Variants in RALYL observed in about 807,000 individuals in gnomAD.
RALYL encodes RALY RNA binding protein like.
Under a neutral mutation model 35.1 loss-of-function variants are expected in RALYL, and 29 were observed. The ratio of observed to expected loss-of-function variants is 0.83; its 90% CI spans 0.61 to 1.13. The LOEUF (loss-of-function observed/expected upper bound fraction) is 1.13. Ranked by LOEUF, RALYL falls within the 50% of genes most tolerant of loss-of-function variation. RALYL has a pLI of 0.00. For missense variants in RALYL, 359 were observed against 360.4 expected (o/e 1.00, Z 0.03); for synonymous variants, 120 against 127.6 (o/e 0.94, Z 0.40).
chr8:84,297,271 T>C (rs979198893), intron 1 of RALYL, among the ~76,000 whole-genome samples: 3 of 152,010 alleles, frequency 2.0e-5, no homozygotes, highest in Non-Finnish European at 2.9e-5. Flanking sequence ...ATGTACTCAA[T>C]ATTTGGTTCC....
intron 1 of RALYL, among the ~76,000 whole-genome samples, chr8:84,235,862 G>A (rs1000415451): frequency 1.3e-5 from 2 of 150,400 alleles, no homozygotes; most frequent in African/African-American, 4.9e-5. Context: ...CAACTCCCTG[G>A]TTCAAGCGAT....
intron 1 of RALYL, among the ~76,000 whole-genome samples, chr8:84,472,591 A>C (rs1285780897): frequency 6.6e-6 from 1 of 152,132 alleles, no homozygotes; most frequent in Admixed American, 6.5e-5. Flanking sequence ...ATTGGGAATA[A>C]AATTTAGACC....
chr8:84,734,249 T>C (rs1846803035), intron 2 of RALYL, among the ~76,000 whole-genome samples: 1 of 152,158 alleles, frequency 6.6e-6, no homozygotes, highest in Admixed American at 6.6e-5. Flanking sequence ...GACAAGCTAA[T>C]TTAATAAAGG....
At chr8:84,367,251 T>C (rs543789124) in intron 1 of RALYL, among the ~76,000 whole-genome samples, 3 of 140,050 alleles carry the variant, frequency 2.1e-5, no homozygotes, top group South Asian at 5.1e-4. Flanking sequence ...TTCTCCTGCC[T>C]CAGCCTCCCG....
intron 1 of RALYL, among the ~76,000 whole-genome samples, chr8:84,224,613 G>A (rs1306346849): frequency 6.6e-6 from 1 of 151,492 alleles, no homozygotes; most frequent in Admixed American, 6.6e-5. Context: ...TTTTATGAAT[G>A]TAGAATGATA....
intron 2 of RALYL, among the ~76,000 whole-genome samples, chr8:84,726,997 G>A (rs190624227): frequency 6.6e-6 from 1 of 152,166 alleles, no homozygotes; most frequent in East Asian, 1.9e-4. Context: ...ATCAATAAAT[G>A]GAAGTGGAGA....
chr8:84,295,409 A>G (rs1839575270), intron 1 of RALYL, among the ~76,000 whole-genome samples: 1 of 152,192 alleles, frequency 6.6e-6, no homozygotes, highest in Non-Finnish European at 1.5e-5. Context: ...TGACAAAATA[A>G]GAGCAAACTC....
intron 5 of RALYL, among the ~76,000 whole-genome samples, chr8:84,850,485 A>G (rs1389655295): frequency 6.6e-6 from 1 of 152,248 alleles, no homozygotes; most frequent in Non-Finnish European, 1.5e-5. Flanking sequence ...CACAAAGGTG[A>G]TGATGCAAGA....
At chr8:84,475,993 AG>A (rs2053361726) in intron 1 of RALYL, among the ~76,000 whole-genome samples, 1 of 152,208 alleles carries the variant, frequency 6.6e-6, no homozygotes, top group African/African-American at 2.4e-5. Flanking sequence ...TAGTAATAAC[AG>A]GCATTCATTC....
intron 1 of RALYL, among the ~76,000 whole-genome samples, chr8:84,184,650 TC>T: frequency 6.6e-6 from 1 of 151,168 alleles, no homozygotes; most frequent in South Asian, 2.1e-4. Context: ...TACAGTCCCC[TC>T]CCCCCACCCC....
intron 2 of RALYL, among the ~76,000 whole-genome samples, chr8:84,655,282 C>G (rs1193163494): frequency 6.6e-6 from 1 of 151,398 alleles, no homozygotes; most frequent in Non-Finnish European, 1.5e-5. Flanking sequence ...CTTTTTAAAT[C>G]AGATTATTAG....
intron 1 of RALYL, among the ~76,000 whole-genome samples, chr8:84,317,872 T>G (rs1485821882): frequency 6.6e-6 from 1 of 152,190 alleles, no homozygotes; most frequent in Non-Finnish European, 1.5e-5. Context: ...TTATGCTTCT[T>G]TTTATTCTCT....
At chr8:84,401,637 C>CAAAAAAAA (rs71271985) in intron 1 of RALYL, among the ~76,000 whole-genome samples, 1 of 17,426 alleles carries the variant, frequency 5.7e-5, no homozygotes, top group Non-Finnish European at 1.2e-4. Flanking sequence ...GACTCTGTCT[C>CAAAAAAAA]AAAAAAAAAA....
At chr8:84,251,847 C>A (rs1039940531) in intron 1 of RALYL, among the ~76,000 whole-genome samples, 1 of 150,290 alleles carries the variant, frequency 6.7e-6, no homozygotes, top group Admixed American at 6.7e-5. Flanking sequence ...ATTTTCATTT[C>A]TTTTTTTTTC....
intron 3 of RALYL, among the ~76,000 whole-genome samples, chr8:84,784,351 T>G (rs1394412673): frequency 6.6e-6 from 1 of 152,180 alleles, no homozygotes; most frequent in African/African-American, 2.4e-5. Context: ...ACAGTGTAGA[T>G]GGACGTGATT....
In RALYL at chr8:84,714,624, A is replaced by G. The variant is rs899038064; in HGVS notation, c.257-59955A>G. Among the ~76,000 whole-genome samples, 15 of 152,072 alleles carry G rather than the reference A, an allele frequency of 9.9e-5. No homozygotes were observed. The South Asian group carries it at 1.2e-3, about 13-fold the overall frequency. On this transcript the variant is annotated intron_variant, in intron 2 of 8. Coordinates refer to ENST00000521268, the MANE Select transcript of RALYL (RefSeq NM_173848.7). ...TGCAGTGTAGGAAGTAGTGTTTTCT[A>G]TGCTCTAACATATGCCATCTTTGAA...
At chr8:84,591,882 G>A (rs1813382431) in intron 2 of RALYL, among the ~76,000 whole-genome samples, 1 of 152,124 alleles carries the variant, frequency 6.6e-6, no homozygotes, top group South Asian at 2.1e-4. Context: ...ATCTAGAATT[G>A]GCAGTGGCTA....
At chr8:84,899,587 A>T (rs560039663) in intron 8 of RALYL, among the ~76,000 whole-genome samples, 21 of 152,236 alleles carry the variant, frequency 1.4e-4, no homozygotes, top group African/African-American at 4.8e-4. Context: ...GGAAGCAAAC[A>T]GTTTTCATTA....
chr8:84,623,952 T>A (rs1433854251), intron 2 of RALYL, among the ~76,000 whole-genome samples: 1 of 152,138 alleles, frequency 6.6e-6, no homozygotes, highest in Non-Finnish European at 1.5e-5. Flanking sequence ...TAGTGGGAGA[T>A]GAGATACTTC....
Sources: gnomAD v4.1 joint callset for allele counts (sites outside exome capture counted in the v4.1 genomes callset) on GRCh38, gnomAD v4.1.1 for gene constraint, MANE v1.5 for transcripts, NCBI Gene and HGNC (gene_info 2026-07-23, HGNC 2026-07-21) for gene names.